Variants in TGFBR3 observed in about 807,000 individuals in gnomAD.
The protein encoded by TGFBR3 is transforming growth factor beta receptor type 3.
In TGFBR3, 46 loss-of-function variants were observed where a neutral mutation model predicts 87.9. The ratio of observed to expected loss-of-function variants is 0.52; its 90% CI spans 0.41 to 0.67. The LOEUF is 0.67. Among genes scored for constraint, TGFBR3 ranks in the 30% least tolerant of loss-of-function variants. The pLI, the probability that TGFBR3 is intolerant of heterozygous loss-of-function variation, is 0.00. For synonymous variants in TGFBR3, 381 were observed against 391.6 expected, an observed-to-expected ratio of 0.97 and a Z score of 0.32; for missense variants, 866 against 1,041.9, an observed-to-expected ratio of 0.83 and a Z score of 2.32.
intron 2 of TGFBR3, among the ~76,000 whole-genome samples, chr1:91,834,309 C>G (rs927827507): frequency 6.6e-6 from 1 of 152,162 alleles, no homozygotes; most frequent in Non-Finnish European, 1.5e-5. Flanking sequence ...CTTCACATAT[C>G]AAAAAGACAA....
chr1:91,867,296 A>G (rs1678422916), intron 1 of TGFBR3, among the ~76,000 whole-genome samples: 1 of 152,232 alleles, frequency 6.6e-6, no homozygotes, highest in African/African-American at 2.4e-5. Flanking sequence ...CGGGGGAAGC[A>G]GTACGCACAG....
chr1:91,743,820 C>T (rs939290944), intron 4 of TGFBR3, among the ~76,000 whole-genome samples: 1 of 152,246 alleles, frequency 6.6e-6, no homozygotes, highest in African/African-American at 2.4e-5. Context: ...TGAGCAACCA[C>T]GTGTCTGCCA....
chr1:91,830,803 A>G (rs1428619765), intron 2 of TGFBR3, among the ~76,000 whole-genome samples: 1 of 152,172 alleles, frequency 6.6e-6, no homozygotes, highest in African/African-American at 2.4e-5. Flanking sequence ...GCACAGGGTC[A>G]GAGCTTGGTG....
intron 12 of TGFBR3, among the ~76,000 whole-genome samples, chr1:91,715,477 C>T (rs537056592): frequency 2.0e-5 from 3 of 152,290 alleles, no homozygotes; most frequent in South Asian, 2.1e-4. Context: ...ATATTATTAG[C>T]CTCCCTTATA....
chr1:91,880,934 G>A (rs1410020517), intron 1 of TGFBR3, among the ~76,000 whole-genome samples: 1 of 150,168 alleles, frequency 6.7e-6, no homozygotes, highest in Non-Finnish European at 1.5e-5. Flanking sequence ...TATTTTATAT[G>A]AATAAGTATA....
chr1:91,703,388 T>C (rs1265081209), intron 14 of TGFBR3, among the ~76,000 whole-genome samples: 2 of 152,186 alleles, frequency 1.3e-5, no homozygotes, highest in Admixed American at 6.5e-5. Context: ...AAATTAACAT[T>C]TACTGAGTAT....
At chr1:91,714,559 A>C (rs1571433401) in intron 12 of TGFBR3, among the ~76,000 whole-genome samples, 1 of 152,190 alleles carries the variant, frequency 6.6e-6, no homozygotes, top group South Asian at 2.1e-4. Flanking sequence ...GAAAAAAAAA[A>C]CTACCAATAA....
intron 3 of TGFBR3, among the ~76,000 whole-genome samples, chr1:91,760,476 C>G (rs1164426256): frequency 6.6e-6 from 1 of 152,062 alleles, no homozygotes; most frequent in African/African-American, 2.4e-5. Context: ...TGATCTTAGC[C>G]AAAAGGCCGG....
At chr1:91,788,343 G>A (rs913786135) in intron 3 of TGFBR3, among the ~76,000 whole-genome samples, 1 of 152,170 alleles carries the variant, frequency 6.6e-6, no homozygotes, top group Non-Finnish European at 1.5e-5. Flanking sequence ...GCCACAGAGA[G>A]GGAAGAAGGG....
chr1:91,732,245 G>T (rs1461501742), intron 5 of TGFBR3, among the ~76,000 whole-genome samples: 1 of 152,168 alleles, frequency 6.6e-6, no homozygotes, highest in African/African-American at 2.4e-5. Context: ...CTCGCAGCAA[G>T]ACCAGCTGGG....
intron 2 of TGFBR3, among the ~76,000 whole-genome samples, chr1:91,854,929 G>A (rs1677879848): frequency 6.6e-6 from 1 of 152,176 alleles, no homozygotes; most frequent in African/African-American, 2.4e-5. Flanking sequence ...AGGCTGCTGT[G>A]AGGATCAAAT....
rs764922284 is a variant in TGFBR3 at position 91,716,233 on chromosome 1, C to T, written c.1866+3G>A. The T allele has an allele frequency of 1.9e-6, 3 of 1,613,948 alleles. No individual in the cohort carries two copies. The highest frequency in any genetic ancestry group is 1.7e-6 in the Non-Finnish European group (2 of 1,179,996). On this transcript the variant is annotated splice_donor_region_variant and intron_variant, in intron 12 of 16. Coordinates refer to ENST00000212355, the MANE Select transcript of TGFBR3 (RefSeq NM_003243.5). ...AAGGTCAAGGCTAACTTTCAGGTCT[C>T]ACCTCAACATAAACGTGTCCATTCT...
chr1:91,804,534 A>G (rs1675762222), intron 2 of TGFBR3, among the ~76,000 whole-genome samples: 1 of 152,126 alleles, frequency 6.6e-6, no homozygotes, highest in Non-Finnish European at 1.5e-5. Flanking sequence ...GCACAATGCC[A>G]GGGCCAGCTC....
intron 12 of TGFBR3, 116 bp downstream of exon 12, chr1:91,716,120 G>A (rs1341306906): frequency 3.1e-6 from 4 of 1,272,106 alleles, no homozygotes; most frequent in Non-Finnish European, 4.5e-6. Context: ...CATCAGACCT[G>A]TTGAAGGTCT....
chr1:91,771,926 G>A (rs17884722), intron 3 of TGFBR3, among the ~76,000 whole-genome samples: 1,578 of 152,056 alleles, frequency 0.01, 31 homozygotes, highest in African/African-American at 0.036. Flanking sequence ...AGCAGGAAGG[G>A]GGCACTTCAG....
intron 3 of TGFBR3, among the ~76,000 whole-genome samples, chr1:91,780,884 T>TAC (rs56862200): frequency 0.072 from 9,524 of 132,526 alleles, 356 homozygotes; most frequent in Non-Finnish European, 0.092. Context: ...ACTAGAGAAC[T>TAC]ACACACACAC....
At chr1:91,790,337 T>C (rs1012354429) in intron 3 of TGFBR3, among the ~76,000 whole-genome samples, 1 of 152,226 alleles carries the variant, frequency 6.6e-6, no homozygotes, top group Non-Finnish European at 1.5e-5. Flanking sequence ...GGGCTATATA[T>C]ACCATATGGC....
rs1358070651 is a variant in TGFBR3, at chr1:91,698,098, T to C, written c.2320A>G (p.Ile774Val). The change falls in exon 15 of 17, where the codon ATT becomes GTT. Residue 774 changes from isoleucine (I) to valine (V), a missense_variant. By Grantham distance (29) the Ile-to-Val change is conservative. Coordinates refer to ENST00000212355, the MANE Select transcript of TGFBR3 (RefSeq NM_003243.5). Reference sequence around the variant, plus strand: ...TTGCATAAAGACTTACGTGGAGAAATTGGATTTGGTTCCTTCATGCTTGGA... The same window carrying C: ...TTGCATAAAGACTTACGTGGAGAAACTGGATTTGGTTCCTTCATGCTTGGA... ...KGPSMKEPNP[I>V]SPPIFHGLDT... is the part of the protein sequence containing the mutation. 3.1e-6 allele frequency: 5 copies of C among 1,613,992 alleles called. No individual in the cohort carries two copies. The highest frequency in any genetic ancestry group is 1.7e-4 in the Middle Eastern group (1 of 6,060).
chr1:91,879,420 C>G (rs1343644315), intron 1 of TGFBR3, among the ~76,000 whole-genome samples: 3 of 152,102 alleles, frequency 2.0e-5, no homozygotes, highest in African/African-American at 7.2e-5. Context: ...GCCCTGCCCC[C>G]CGACACCAAA....
Sources: allele counts gnomAD v4.1 joint callset (sites outside exome capture counted in the v4.1 genomes callset), GRCh38; gene constraint gnomAD v4.1.1; transcripts MANE v1.5; gene names NCBI Gene and HGNC (gene_info 2026-07-23, HGNC 2026-07-21).